COL24A1: variants seen among roughly 807,000 people sequenced by gnomAD.
COL24A1 encodes the protein collagen alpha-1(XXIV) chain.
In COL24A1, 224 loss-of-function variants were observed where a neutral mutation model predicts 253.9. The observed-to-expected ratio is 0.88, with a 90% CI of 0.79 to 0.99. The LOEUF (loss-of-function observed/expected upper bound fraction) is 0.99. Ranked by LOEUF, COL24A1 falls within the 50% of genes least tolerant of loss-of-function variation. The pLI, the probability that COL24A1 is intolerant of heterozygous loss-of-function variation, is 0.00. For missense variants in COL24A1, 2,131 were observed against 2,068.5 expected (o/e 1.03, Z -0.59); for synonymous variants, 685 against 673.7 (o/e 1.02, Z -0.26).
chr1:86,073,859 C>T (rs1702049115), intron 7 of COL24A1, among the ~76,000 whole-genome samples: 1 of 152,088 alleles, frequency 6.6e-6, no homozygotes, highest in Non-Finnish European at 1.5e-5. Context: ...AATTTCATAT[C>T]CAATCAAACT....
intron 43 of COL24A1, among the ~76,000 whole-genome samples, chr1:85,832,689 T>C (rs1482184384): frequency 6.6e-6 from 1 of 151,430 alleles, no homozygotes; most frequent in Non-Finnish European, 1.5e-5. Context: ...TTTGAAGCAA[T>C]TGTGAATGGG....
chr1:86,078,025 G>A (rs1702380512), intron 7 of COL24A1, among the ~76,000 whole-genome samples: 1 of 151,986 alleles, frequency 6.6e-6, no homozygotes, highest in Non-Finnish European at 1.5e-5. Context: ...CAATATCTCT[G>A]ATAAATATTG....
At chr1:85,816,969 T>A (rs372222989) in intron 46 of COL24A1, 74 bp from the exon 47 acceptor site, 2 of 1,124,376 alleles carry the variant, frequency 1.8e-6, no homozygotes, top group East Asian at 2.4e-5. Context: ...TTTTTATTTA[T>A]TGAGCTGGAG....
intron 34 of COL24A1, 89 bp downstream of exon 34, chr1:85,875,188 T>A: frequency 8.7e-7 from 1 of 1,149,614 alleles, no homozygotes; most frequent in Non-Finnish European, 1.3e-6. Flanking sequence ...TGCTTTCAAG[T>A]TAGCAAATAT....
At chr1:85,826,963 T>C (rs927329374) in intron 43 of COL24A1, among the ~76,000 whole-genome samples, 4 of 151,964 alleles carry the variant, frequency 2.6e-5, no homozygotes, top group Non-Finnish European at 5.9e-5. Flanking sequence ...CAACACTATG[T>C]TGAATAGGAG....
At chr1:85,892,623 A>C (rs925598047) in intron 31 of COL24A1, among the ~76,000 whole-genome samples, 1 of 152,102 alleles carries the variant, frequency 6.6e-6, no homozygotes, top group African/African-American at 2.4e-5. Context: ...TTACATCATG[A>C]AAATATTTTA....
intron 47 of COL24A1, among the ~76,000 whole-genome samples, chr1:85,799,248 A>AAAGAAAGAAAGAAAGAAAGAAAGAAAG (rs376013377): frequency 6.2e-5 from 9 of 144,216 alleles, no homozygotes; most frequent in South Asian, 2.2e-4. Flanking sequence ...AGAAAGAAAG[A>AAAGAAAGAAAGAAAGAAAGAAAGAAAG]AAAGAAAAGA....
chr1:85,886,817 T>C (rs950663180), intron 32 of COL24A1, among the ~76,000 whole-genome samples: 5 of 152,218 alleles, frequency 3.3e-5, no homozygotes, highest in African/African-American at 1.2e-4. Flanking sequence ...ATTCTTTATA[T>C]ACATGGTTAA....
At chr1:86,078,021 C>T (rs146774368) in intron 7 of COL24A1, among the ~76,000 whole-genome samples, 268 of 152,110 alleles carry the variant, frequency 1.8e-3, no homozygotes, top group Middle Eastern at 3.4e-3. Context: ...AGGCCAATAT[C>T]TCTGATAAAT....
intron 24 of COL24A1, among the ~76,000 whole-genome samples, chr1:85,915,874 G>A (rs752499540): frequency 7.9e-5 from 12 of 151,988 alleles, no homozygotes; most frequent in Non-Finnish European, 1.3e-4. Context: ...GGCTAGTCTC[G>A]AACTCCAGAC....
At chr1:85,896,707 C>T (rs1378791486) in intron 28 of COL24A1, among the ~76,000 whole-genome samples, 1 of 152,128 alleles carries the variant, frequency 6.6e-6, no homozygotes, top group Non-Finnish European at 1.5e-5. Flanking sequence ...ACTGTGTTAG[C>T]CAGGATGGTC....
intron 7 of COL24A1, among the ~76,000 whole-genome samples, chr1:86,074,259 T>C (rs909592294): frequency 6.6e-6 from 1 of 150,910 alleles, no homozygotes; most frequent in African/African-American, 2.5e-5. Context: ...AATAAAGGGA[T>C]AGAGGAATAT....
At chr1:85,895,639 T>C (rs1361636606) in intron 31 of COL24A1, among the ~76,000 whole-genome samples, 3 of 152,142 alleles carry the variant, frequency 2.0e-5, no homozygotes, top group Non-Finnish European at 4.4e-5. Flanking sequence ...ATTCTTTTAG[T>C]CCAACATATT....
intron 20 of COL24A1, among the ~76,000 whole-genome samples, chr1:85,976,069 T>C (rs1042320782): frequency 1.3e-5 from 2 of 152,158 alleles, no homozygotes; most frequent in Non-Finnish European, 2.9e-5. Flanking sequence ...GAAAAAAGAT[T>C]CCAACTGAAC....
intron 10 of COL24A1, among the ~76,000 whole-genome samples, chr1:86,053,492 G>C (rs908413045): frequency 6.6e-6 from 1 of 152,080 alleles, no homozygotes; most frequent in Non-Finnish European, 1.5e-5. Context: ...AAACCACAGA[G>C]TTGAGGTCAT....
chr1:85,883,247 TCTCA>T (rs1470335533), intron 32 of COL24A1, among the ~76,000 whole-genome samples: 2 of 152,024 alleles, frequency 1.3e-5, no homozygotes, highest in South Asian at 2.1e-4. Context: ...TGAGATAGAG[TCTCA>T]CTCTGTCATC....
Position 86,108,382 on chromosome 1 carries a change from A to G in COL24A1, c.1599+4185T>C, listed in dbSNP as rs149871782. ...TTATACACATTTTAAGAAGTCAATGAAATACAATACTTTCCACCATCTCTA... is the reference window on the plus strand; with the variant it reads ...TTATACACATTTTAAGAAGTCAATGGAATACAATACTTTCCACCATCTCTA... On this transcript the variant is annotated intron_variant, in intron 5 of 59. Coordinates refer to ENST00000370571, the MANE Select transcript of COL24A1 (RefSeq NM_152890.7). Among the ~76,000 whole-genome samples the G allele has an allele frequency of 1.1e-3, 162 of 152,204 alleles. 1 individual carries two copies. The highest frequency in any genetic ancestry group is 3.7e-3 in the African/African-American group (155 of 41,548).
At chr1:86,079,056 A>G (rs1450876023) in intron 7 of COL24A1, among the ~76,000 whole-genome samples, 1 of 152,202 alleles carries the variant, frequency 6.6e-6, no homozygotes, top group African/African-American at 2.4e-5. Flanking sequence ...TTCAAATTAT[A>G]CTGCAGAGCT....
intron 7 of COL24A1, among the ~76,000 whole-genome samples, chr1:86,066,231 C>CT (rs71078637): frequency 0.09 from 7,724 of 85,630 alleles, 511 homozygotes; most frequent in Non-Finnish European, 0.11. Flanking sequence ...CCTAAGTCTC[C>CT]TTTTTTTTTT....
Sources: gnomAD v4.1 joint callset for allele counts (sites outside exome capture counted in the v4.1 genomes callset) on GRCh38, gnomAD v4.1.1 for gene constraint, MANE v1.5 for transcripts, NCBI Gene and HGNC (gene_info 2026-07-23, HGNC 2026-07-21) for gene names.